RPRD1A: variants seen among roughly 807,000 people sequenced by gnomAD.
RPRD1A encodes regulation of nuclear pre-mRNA domain containing 1A, also known as regulation of nuclear pre-mRNA domain-containing protein 1A.
Under a neutral mutation model 37.8 loss-of-function variants are expected in RPRD1A, and 9 were observed. The ratio of observed to expected loss-of-function variants is 0.24; its 90% CI spans 0.14 to 0.42. The LOEUF (loss-of-function observed/expected upper bound fraction) is 0.42. Ranked by LOEUF, RPRD1A falls within the 10% of genes least tolerant of loss-of-function variation. RPRD1A has a pLI of 1.00. For synonymous variants in RPRD1A, 138 were observed against 139.7 expected (o/e 0.99, Z 0.08); for missense variants, 255 against 371.0 (o/e 0.69, Z 2.57).
chr18:36,053,249 G>A (rs1209366950), intron 1 of RPRD1A, among the ~76,000 whole-genome samples: 1 of 152,088 alleles, frequency 6.6e-6, no homozygotes, highest in Non-Finnish European at 1.5e-5. Context: ...GCATTTGTAA[G>A]GTTATGTAAC....
chr18:35,995,561 C>T (rs1374886845), intron 6 of RPRD1A, among the ~76,000 whole-genome samples: 1 of 152,126 alleles, frequency 6.6e-6, no homozygotes, highest in East Asian at 1.9e-4. Context: ...AGCCACTGTG[C>T]CCGGCCTTGT....
chr18:36,002,127 T>A (rs1353697145), intron 6 of RPRD1A, among the ~76,000 whole-genome samples: 5 of 152,190 alleles, frequency 3.3e-5, no homozygotes, highest in African/African-American at 1.2e-4. Flanking sequence ...TCTCTTGAGT[T>A]TCCTGGATCA....
intron 1 of RPRD1A, among the ~76,000 whole-genome samples, chr18:36,053,474 C>T (rs937741280): frequency 3.9e-5 from 6 of 152,192 alleles, no homozygotes; most frequent in South Asian, 4.1e-4. Context: ...GGTTGCTCCA[C>T]ACTGTAGAAT....
chr18:36,056,874 TTTTTC>T (rs1913810282), intron 1 of RPRD1A, among the ~76,000 whole-genome samples: 1 of 151,952 alleles, frequency 6.6e-6, no homozygotes, highest in Non-Finnish European at 1.5e-5. Flanking sequence ...AGTCCTTCTA[TTTTTC>T]TTTTTTCTGT....
intron 1 of RPRD1A, among the ~76,000 whole-genome samples, chr18:36,036,519 T>C (rs903690882): frequency 3.3e-5 from 5 of 152,176 alleles, no homozygotes; most frequent in African/African-American, 4.8e-5. Context: ...TATGAGGTGA[T>C]TGAGCATGGG....
chr18:36,012,885 T>C (rs1480258239), intron 6 of RPRD1A, among the ~76,000 whole-genome samples: 2 of 152,248 alleles, frequency 1.3e-5, no homozygotes, highest in Non-Finnish European at 2.9e-5. Flanking sequence ...TTACATTATA[T>C]AGGTCCGAAC....
intron 6 of RPRD1A, chr18:36,025,462 C>G: frequency 2.6e-6 from 1 of 390,832 alleles, no homozygotes; most frequent in Admixed American, 4.1e-5. Context: ...GATCTATTTT[C>G]TACAGTTACA....
Position 35,992,641 on chromosome 18 carries a change from A to C in RPRD1A, c.*510T>G, listed in dbSNP as rs780650435. 6.6e-6 allele frequency: 1 copy of C among 152,422 alleles called. No individual in the cohort carries two copies. The highest frequency in any genetic ancestry group is 1.5e-5 in the Non-Finnish European group (1 of 68,062). 9.4% of individuals were successfully genotyped at this position (152,422 alleles called of 1,614,324 possible). A position where few individuals can be genotyped will look rare whatever the true frequency, so the allele number is the denominator to read the frequency against. On this transcript the variant is annotated 3_prime_UTR_variant, in exon 7 of 7. Coordinates refer to ENST00000399022, the MANE Select transcript of RPRD1A (RefSeq NM_018170.5). Reference sequence around the variant, plus strand: ...CCTCTAAGGAATCAAAGGCATGTAGAGACACAGAATTGATATTTTGTTTGG... The same window carrying C: ...CCTCTAAGGAATCAAAGGCATGTAGCGACACAGAATTGATATTTTGTTTGG...
In RPRD1A at chr18:36,048,143, C is replaced by T. The variant is rs562832216; in HGVS notation, c.152-14306G>A. Among the ~76,000 whole-genome samples, 28 of 151,114 alleles carry T rather than the reference C, an allele frequency of 1.9e-4. 1 individual carries two copies. Among genetic ancestry groups the T allele is most frequent in the African/African-American group, 4.9e-4 (20 of 41,116 alleles). On this transcript the variant is annotated intron_variant, in intron 1 of 6. Transcript: ENST00000399022. ...GTGCAATGGCGCCACCTGGGCTCAC[C>T]GCAACCTCCACCTCCCAGGTTCAAG...
chr18:35,999,680 G>A lies in RPRD1A; in HGVS notation c.790-6380C>T, dbSNP rs140401196. The stretch of plus-strand genomic sequence containing the variant: ...GAGAATTTCAACCACATCCATATGG[G>A]GATCTTTAGTGGTCAATTAAAGGCT... On this transcript the variant is annotated intron_variant, in intron 6 of 6. Transcript: ENST00000399022. Among the ~76,000 whole-genome samples the A allele has an allele frequency of 6.6e-5, 10 of 152,030 alleles. 1 individual carries two copies. In the East Asian group the frequency reaches 1.9e-3, roughly 29 times the overall value.
rs1908705745 is a variant in RPRD1A, at chr18:35,991,289, T to C, written c.*1862A>G. 1 of 152,200 alleles carries C rather than the reference T, an allele frequency of 6.6e-6. No homozygotes were observed. The highest frequency in any genetic ancestry group is 1.5e-5 in the Non-Finnish European group (1 of 68,048). The allele number at this position is 152,200 out of a possible 1,614,324, so 9.4% of individuals were successfully genotyped here. A position where few individuals can be genotyped will look rare whatever the true frequency, so the allele number is the denominator to read the frequency against. On this transcript the variant is annotated 3_prime_UTR_variant, in exon 7 of 7. Transcript: ENST00000399022. ...TAATAATAAAAACTAACTTACTTAG[T>C]ATACTTTCATAACATGTACAACCAG...
chr18:36,063,726 A>C (rs1416092970), intron 1 of RPRD1A, among the ~76,000 whole-genome samples: 1 of 152,228 alleles, frequency 6.6e-6, no homozygotes, highest in Non-Finnish European at 1.5e-5. Context: ...ACAGGAGATG[A>C]GAATCCTGAA....
At chr18:36,025,663 C>G in intron 6 of RPRD1A, 1 of 1,286,070 alleles carries the variant, frequency 7.8e-7, no homozygotes, top group South Asian at 1.2e-5. Context: ...TTAGAAGATA[C>G]GCCCATGTCC....
At chr18:36,023,259 A>G (rs1911133539) in intron 6 of RPRD1A, among the ~76,000 whole-genome samples, 1 of 152,246 alleles carries the variant, frequency 6.6e-6, no homozygotes, top group Non-Finnish European at 1.5e-5. Context: ...GAGATAAAAT[A>G]TCAACATTAA....
chr18:36,033,654 G>A, intron 2 of RPRD1A, 54 bp downstream of exon 2: 2 of 1,464,694 alleles, frequency 1.4e-6, no homozygotes, highest in East Asian at 2.3e-5. Context: ...TTTAGCAAAA[G>A]GACATATGGT....
At chr18:36,005,228 G>A (rs956536135) in intron 6 of RPRD1A, among the ~76,000 whole-genome samples, 4 of 152,090 alleles carry the variant, frequency 2.6e-5, no homozygotes, top group African/African-American at 9.7e-5. Flanking sequence ...GTGAGCCCGG[G>A]AGGTGGAGCT....
At chr18:36,005,118 G>A (rs573414833) in intron 6 of RPRD1A, among the ~76,000 whole-genome samples, 298 of 152,134 alleles carry the variant, frequency 2.0e-3, no homozygotes, top group African/African-American at 7.0e-3. Flanking sequence ...TGGCTAACAC[G>A]GTGAAACCCC....
At chr18:36,066,032 T>C (rs2089022993) in intron 1 of RPRD1A, among the ~76,000 whole-genome samples, 1 of 152,182 alleles carries the variant, frequency 6.6e-6, no homozygotes. Flanking sequence ...GCAAAGCTAA[T>C]TCCTGACTTT....
chr18:35,993,388 A>G (rs1019029183), intron 6 of RPRD1A, 88 bp from the exon 7 acceptor site: 1 of 1,291,756 alleles, frequency 7.7e-7, no homozygotes, highest in Non-Finnish European at 1.1e-6. Flanking sequence ...GGTACTATAT[A>G]TACTCAGTTA....
Sources: gnomAD v4.1 joint callset for allele counts (sites outside exome capture counted in the v4.1 genomes callset) on GRCh38, gnomAD v4.1.1 for gene constraint, MANE v1.5 for transcripts, NCBI Gene and HGNC (gene_info 2026-07-23, HGNC 2026-07-21) for gene names.